Variants in CDC42BPB observed in about 807,000 individuals in gnomAD.
CDC42BPB encodes serine/threonine-protein kinase MRCK beta.
A neutral mutation model predicts 214.9 loss-of-function variants in CDC42BPB; 37 were observed. The observed-to-expected ratio is 0.17, with a 90% confidence interval of 0.13 to 0.23. CDC42BPB has a LOEUF of 0.23. CDC42BPB is among the 10% of genes least tolerant of loss of function. CDC42BPB has a pLI of 1.00. For synonymous variants in CDC42BPB, 931 were observed against 884.0 expected (o/e 1.05, Z -0.94); for missense variants, 1,694 against 2,227.0 (o/e 0.76, Z 4.82).
intron 1 of CDC42BPB, among the ~76,000 whole-genome samples, chr14:103,015,013 T>C (rs1886377891): frequency 6.6e-6 from 1 of 152,198 alleles, no homozygotes; most frequent in South Asian, 2.1e-4. Flanking sequence ...CCCTACTCTT[T>C]TGATAAAACA....
At position 102,975,760 on chromosome 14, in the gene CDC42BPB, G is replaced by A. The variant is rs151207355; in HGVS notation, c.1431C>T (p.Ala477=). The change falls in exon 11 of 37, where the codon GCC becomes GCT. Residue 477 remains alanine, a synonymous_variant. Coordinates refer to ENST00000361246, the MANE Select transcript of CDC42BPB (RefSeq NM_006035.4). ...CTTTATCTCGGTTTGAATTGCTGAG[G>A]GCCCGAGATGAGCCGTGGAGGGACT... ...TVQSLHGSSR[A]LSNSNRDKEI... is the part of the protein sequence containing the mutation. 3.1e-6 allele frequency: 5 copies of A among 1,614,032 alleles called. No individual in the cohort carries two copies. In the Admixed American group the frequency reaches 8.3e-5, roughly 27 times the overall value.
At position 102,944,518 on chromosome 14, in the gene CDC42BPB, G is replaced by A. The variant is rs373406958; in HGVS notation, c.3812-31C>T. 13 of 1,588,602 alleles carry A rather than the reference G, an allele frequency of 8.2e-6. No homozygotes were observed. The highest frequency in any genetic ancestry group is 1.3e-5 in the African/African-American group (1 of 74,548). On this transcript the variant is annotated intron_variant, in intron 29 of 36. Coordinates refer to ENST00000361246, the MANE Select transcript of CDC42BPB (RefSeq NM_006035.4). This position sits in a 1 kb window ranked among gnomAD's most constrained non-coding sequence, Gnocchi z 6.6. ...GCAAGGAGGACAAGAGCGTGAGGCC[G>A]ACGGGACAGCCAGCAGCTCCCAGGG...
At chr14:102,987,780 AACACACAAACACACACACACACACACAC>A (rs1894310864) in intron 5 of CDC42BPB, among the ~76,000 whole-genome samples, 1 of 89,202 alleles carries the variant, frequency 1.1e-5, no homozygotes, top group Admixed American at 1.3e-4. Context: ...AAATCCCACA[AACACACAAACACACACACACACACACAC>A]ACACACACAC....
intron 5 of CDC42BPB, among the ~76,000 whole-genome samples, chr14:102,990,240 G>C (rs936538646): frequency 2.6e-5 from 4 of 151,866 alleles, no homozygotes; most frequent in African/African-American, 7.3e-5. Context: ...GGGAGATGGG[G>C]TTAAAACAAA....
intron 1 of CDC42BPB, among the ~76,000 whole-genome samples, chr14:103,049,445 T>A (rs1566927636): frequency 6.6e-6 from 1 of 152,206 alleles, no homozygotes; most frequent in Non-Finnish European, 1.5e-5. Flanking sequence ...CTGATTTTAT[T>A]TAAGTCACTG....
At chr14:102,950,332 G>A in intron 25 of CDC42BPB, 134 bp downstream of exon 25, 2 of 1,242,348 alleles carry the variant, frequency 1.6e-6, no homozygotes, top group Non-Finnish European at 2.3e-6. Flanking sequence ...GTGCCCAGGA[G>A]GGTAAGCCCC....
intron 26 of CDC42BPB, among the ~76,000 whole-genome samples, chr14:102,948,640 G>C (rs1191214393): frequency 1.2e-5 from 1 of 85,796 alleles, no homozygotes; most frequent in Non-Finnish European, 2.4e-5. Flanking sequence ...GAGGGGGAGT[G>C]GGGGGTGGGT....
At chr14:103,055,453 T>G (rs1180286796) in intron 1 of CDC42BPB, among the ~76,000 whole-genome samples, 1 of 152,136 alleles carries the variant, frequency 6.6e-6, no homozygotes, top group East Asian at 1.9e-4. Flanking sequence ...AAACAAAATA[T>G]TCAGATTTTA....
At chr14:102,959,769 C>T in intron 20 of CDC42BPB, 59 bp from the exon 21 acceptor site, 1 of 1,416,542 alleles carries the variant, frequency 7.1e-7, no homozygotes. Flanking sequence ...ATATTATTTT[C>T]AGACAGACTC....
chr14:103,053,717 C>G (rs572745475), intron 1 of CDC42BPB, among the ~76,000 whole-genome samples: 9 of 150,240 alleles, frequency 6.0e-5, no homozygotes, highest in East Asian at 2.0e-4. Flanking sequence ...AGCCGAGATC[C>G]CGCCACTGCA....
chr14:102,976,939 C>A (rs1157638898), intron 9 of CDC42BPB, among the ~76,000 whole-genome samples: 1 of 152,146 alleles, frequency 6.6e-6, no homozygotes, highest in African/African-American at 2.4e-5. Context: ...ATATGCCCAC[C>A]CAGAAAGCCT....
intron 5 of CDC42BPB, among the ~76,000 whole-genome samples, chr14:102,993,977 T>C (rs2139571136): frequency 6.6e-6 from 1 of 152,236 alleles, no homozygotes; most frequent in African/African-American, 2.4e-5. Context: ...AATGGAGAAA[T>C]GATTATATAG....
intron 18 of CDC42BPB, among the ~76,000 whole-genome samples, chr14:102,965,257 C>T (rs1893146191): frequency 1.3e-5 from 2 of 152,054 alleles, no homozygotes; most frequent in African/African-American, 4.8e-5. Context: ...CTATATGGGT[C>T]CACTGGACCC....
chr14:103,011,727 G>T (rs1451217106), intron 2 of CDC42BPB, among the ~76,000 whole-genome samples: 2 of 152,194 alleles, frequency 1.3e-5, no homozygotes, highest in African/African-American at 4.8e-5. Flanking sequence ...CTGGGTGACA[G>T]TGCAAGACGT....
intron 36 of CDC42BPB, among the ~76,000 whole-genome samples, chr14:102,935,663 A>G (rs1389766716): frequency 6.6e-6 from 1 of 150,530 alleles, no homozygotes; most frequent in African/African-American, 2.5e-5. Context: ...GGTGGCGGGC[A>G]CCTGTAGTCC....
intron 17 of CDC42BPB, chr14:102,966,598 T>C: frequency 1.3e-6 from 1 of 791,156 alleles, no homozygotes; most frequent in Non-Finnish European, 1.5e-6. Context: ...ACACCAAACT[T>C]CCAAGACTCA....
chr14:102,985,333 CGTG>C (rs1566882079), intron 6 of CDC42BPB, among the ~76,000 whole-genome samples: 4 of 145,038 alleles, frequency 2.8e-5, no homozygotes, highest in African/African-American at 7.8e-5. Flanking sequence ...CTGGTTATAC[CGTG>C]ACAGGGTGGT....
chr14:102,985,427 G>GGTT (rs1894200901), intron 6 of CDC42BPB, among the ~76,000 whole-genome samples: 1 of 151,942 alleles, frequency 6.6e-6, no homozygotes, highest in African/African-American at 2.4e-5. Context: ...CCCATGCTCT[G>GGTT]GTTATACTGT....
chr14:103,020,068 GGCAGGAAGTCCT>G (rs1411858920), intron 1 of CDC42BPB, among the ~76,000 whole-genome samples: 1 of 152,222 alleles, frequency 6.6e-6, no homozygotes, highest in East Asian at 1.9e-4. Flanking sequence ...GAGGCAGGCG[GGCAGGAAGTCCT>G]GCTTTCCCCT....
Sources: gnomAD v4.1 joint callset for allele counts (sites outside exome capture counted in the v4.1 genomes callset) on GRCh38, gnomAD v4.1.1 for gene constraint, Gnocchi (gnomAD v3.1) non-coding constraint, MANE v1.5 for transcripts, NCBI Gene and HGNC (gene_info 2026-07-23, HGNC 2026-07-21) for gene names.